GLIS3: variants seen among roughly 807,000 people sequenced by gnomAD.
GLIS3 encodes the protein zinc finger protein GLIS3.
In GLIS3, 53 loss-of-function variants were observed where a neutral mutation model predicts 78.6. The ratio of observed to expected loss-of-function variants is 0.67; its 90% CI spans 0.54 to 0.85. GLIS3 has a LOEUF of 0.85. Ranked by LOEUF, GLIS3 falls within the 40% of genes least tolerant of loss-of-function variation. The pLI is 0.00. For missense variants in GLIS3, 1,703 were observed against 1,231.1 expected, an observed-to-expected ratio of 1.38 and a Z score of -5.74; for synonymous variants, 684 against 509.9, an observed-to-expected ratio of 1.34 and a Z score of -4.60.
At chr9:4,380,476 A>C in the GLIS3 span, among the ~76,000 whole-genome samples, 3 of 152,216 alleles carry the variant, frequency 2.0e-5, no homozygotes, top group Non-Finnish European at 4.4e-5. Flanking sequence ...AGAAGATAAA[A>C]ATTTAAATGT....
intron 4 of GLIS3, among the ~76,000 whole-genome samples, chr9:4,003,969 T>C (rs748944687): frequency 6.6e-6 from 1 of 152,212 alleles, no homozygotes; most frequent in Non-Finnish European, 1.5e-5. Context: ...CGATGACTAT[T>C]ATTATGATGC....
chr9:4,272,091 C>G (rs1330926760), intron 2 of GLIS3, among the ~76,000 whole-genome samples: 1 of 152,164 alleles, frequency 6.6e-6, no homozygotes. Context: ...ATGGCCGACC[C>G]AGAGTAAGGG....
chr9:4,471,550 C>A, the GLIS3 span, among the ~76,000 whole-genome samples: 86 of 152,132 alleles, frequency 5.7e-4, 1 homozygote, highest in East Asian at 0.016. Context: ...ACTGGCTAGC[C>A]GTATATAGAA....
chr9:4,108,164 A>G (rs891035137), intron 4 of GLIS3, among the ~76,000 whole-genome samples: 1 of 152,190 alleles, frequency 6.6e-6, no homozygotes, highest in Non-Finnish European at 1.5e-5. Flanking sequence ...TCTGTAACAT[A>G]GTCACTTTCT....
intron 2 of GLIS3, among the ~76,000 whole-genome samples, chr9:4,277,939 C>A (rs1827178592): frequency 6.6e-6 from 1 of 152,178 alleles, no homozygotes; most frequent in Admixed American, 6.5e-5. Context: ...AATAAGTTGC[C>A]AACTGCACCC....
At chr9:4,431,461 G>C in the GLIS3 span, among the ~76,000 whole-genome samples, 1 of 152,114 alleles carries the variant, frequency 6.6e-6, no homozygotes, top group African/African-American at 2.4e-5. Flanking sequence ...GAGGAGTTTT[G>C]CTCCATGTAG....
chr9:3,906,889 T>A (rs1416563878), intron 6 of GLIS3, among the ~76,000 whole-genome samples: 1 of 152,236 alleles, frequency 6.6e-6, no homozygotes, highest in African/African-American at 2.4e-5. Context: ...TCTCACTGTC[T>A]GCAAACTTCC....
chr9:3,856,817 A>T (rs1164702811), intron 8 of GLIS3, among the ~76,000 whole-genome samples: 1 of 152,178 alleles, frequency 6.6e-6, no homozygotes, highest in African/African-American at 2.4e-5. Context: ...AGGGTATGAT[A>T]GGAAGATGAT....
At chr9:4,237,744 C>G (rs921233035) in intron 2 of GLIS3, among the ~76,000 whole-genome samples, 1 of 152,166 alleles carries the variant, frequency 6.6e-6, no homozygotes, top group Non-Finnish European at 1.5e-5. Context: ...CCCACTGTTT[C>G]ATTTGAGATT....
At chr9:3,991,778 C>A (rs559524006) in intron 4 of GLIS3, among the ~76,000 whole-genome samples, 1 of 149,628 alleles carries the variant, frequency 6.7e-6, no homozygotes, top group Admixed American at 6.7e-5. Flanking sequence ...GCAAGCTCCG[C>A]CTCCCGGCTT....
intron 6 of GLIS3, among the ~76,000 whole-genome samples, chr9:3,920,002 T>TTG (rs1491079717): frequency 8.9e-4 from 3 of 3,362 alleles, no homozygotes; most frequent in African/African-American, 1.2e-3. Flanking sequence ...CTATTACAGT[T>TTG]TTTTTTTTTT....
chr9:4,202,316 A>G (rs1173142194), intron 2 of GLIS3, among the ~76,000 whole-genome samples: 1 of 151,226 alleles, frequency 6.6e-6, no homozygotes, highest in Non-Finnish European at 1.5e-5. Context: ...ATGCCTGGCT[A>G]ATTTTTTTGT....
chr9:4,077,583 G>C (rs913695365), intron 4 of GLIS3, among the ~76,000 whole-genome samples: 41 of 152,180 alleles, frequency 2.7e-4, no homozygotes, highest in African/African-American at 9.4e-4. Flanking sequence ...TTAAGCTATT[G>C]CATCTCAGCT....
intron 4 of GLIS3, among the ~76,000 whole-genome samples, chr9:4,092,962 T>C (rs537443878): frequency 6.6e-6 from 1 of 152,178 alleles, no homozygotes; most frequent in African/African-American, 2.4e-5. Flanking sequence ...GAATAATGAA[T>C]TGCTCCATGA....
chr9:4,481,857 C>T, the GLIS3 span, among the ~76,000 whole-genome samples: 5 of 152,228 alleles, frequency 3.3e-5, no homozygotes, highest in South Asian at 1.0e-3. Context: ...ACAGCATTGT[C>T]TGGGTCTACC....
chr9:4,346,189 T>C (rs939307208), intron 2 of GLIS3, among the ~76,000 whole-genome samples: 3 of 152,174 alleles, frequency 2.0e-5, no homozygotes, highest in Non-Finnish European at 4.4e-5. Context: ...AAACTAGAGG[T>C]TTTACAGACC....
At chr9:4,379,482 C>A in the GLIS3 span, among the ~76,000 whole-genome samples, 1 of 152,240 alleles carries the variant, frequency 6.6e-6, no homozygotes, top group South Asian at 2.1e-4. Flanking sequence ...TTAGTCCCTT[C>A]TTTTAGTGCA....
intron 9 of GLIS3, among the ~76,000 whole-genome samples, chr9:3,853,198 C>T (rs1819543456): frequency 6.6e-6 from 1 of 152,156 alleles, no homozygotes; most frequent in South Asian, 2.1e-4. Flanking sequence ...GAGCAAGACC[C>T]TGTCTCTAAA....
chr9:4,072,612 A>G (rs1242654252), intron 4 of GLIS3, among the ~76,000 whole-genome samples: 3 of 152,188 alleles, frequency 2.0e-5, no homozygotes, highest in Non-Finnish European at 1.5e-5. Context: ...CACTGTAAAT[A>G]AAACATGACA....
Sources: gnomAD v4.1 joint callset for allele counts (sites outside exome capture counted in the v4.1 genomes callset) on GRCh38, gnomAD v4.1.1 for gene constraint, MANE v1.5 for transcripts, NCBI Gene and HGNC (gene_info 2026-07-23, HGNC 2026-07-21) for gene names.